The following FHIT variants were observed in gnomAD, a reference collection of about 807,000 sequenced individuals.
FHIT encodes bis(5'-adenosyl)-triphosphatase.
Under a neutral mutation model 17.9 loss-of-function variants are expected in FHIT, and 19 were observed. The observed-to-expected ratio is 1.06, with a 90% confidence interval of 0.74 to 1.56. The LOEUF is 1.56. Ranked by LOEUF, FHIT falls within the 40% of genes most tolerant of loss-of-function variation. The pLI, the probability that FHIT is intolerant of heterozygous loss-of-function variation, is 0.00. For synonymous variants in FHIT, 81 were observed against 69.7 expected, an observed-to-expected ratio of 1.16 and a Z score of -0.81; for missense variants, 248 against 189.2, an observed-to-expected ratio of 1.31 and a Z score of -1.82.
intron 3 of FHIT, among the ~76,000 whole-genome samples, chr3:60,863,071 G>A (rs61251096): frequency 0.025 from 3,878 of 152,210 alleles, 162 homozygotes; most frequent in African/African-American, 0.087. Flanking sequence ...GAAAGCAGAA[G>A]AGGATGCAGG....
At chr3:61,216,936 T>C (rs1260691416) in intron 1 of FHIT, among the ~76,000 whole-genome samples, 3 of 148,730 alleles carry the variant, frequency 2.0e-5, no homozygotes, top group East Asian at 2.0e-4. Context: ...TAGGTGGGAA[T>C]TGAGCAATGA....
intron 2 of FHIT, among the ~76,000 whole-genome samples, chr3:61,131,661 G>A (rs1015758598): frequency 1.3e-5 from 2 of 152,210 alleles, no homozygotes; most frequent in African/African-American, 2.4e-5. Context: ...ATTTGTAAGA[G>A]CACAGACCAG....
chr3:60,215,179 A>T (rs1453709229), intron 5 of FHIT, among the ~76,000 whole-genome samples: 8 of 152,162 alleles, frequency 5.3e-5, no homozygotes, highest in African/African-American at 1.9e-4. Context: ...ATAAAATAAG[A>T]TAAAAGTAAT....
At chr3:59,880,101 A>C (rs1456912107) in intron 8 of FHIT, among the ~76,000 whole-genome samples, 1 of 152,234 alleles carries the variant, frequency 6.6e-6, no homozygotes, top group African/African-American at 2.4e-5. Flanking sequence ...TCAAACTGCC[A>C]AGAAGCTGCC....
chr3:60,186,608 G>A (rs1330032898), intron 5 of FHIT, among the ~76,000 whole-genome samples: 1 of 152,104 alleles, frequency 6.6e-6, no homozygotes, highest in Non-Finnish European at 1.5e-5. Context: ...GCTGCGTACA[G>A]AACACCCTGC....
intron 3 of FHIT, among the ~76,000 whole-genome samples, chr3:60,948,457 T>C (rs144063395): frequency 2.8e-3 from 426 of 152,332 alleles, no homozygotes; most frequent in African/African-American, 1.0e-2. Flanking sequence ...TAATGGGACT[T>C]TGATCAACAT....
chr3:60,362,330 T>C (rs1699939035), intron 5 of FHIT, among the ~76,000 whole-genome samples: 7 of 152,242 alleles, frequency 4.6e-5, no homozygotes, highest in Admixed American at 4.6e-4. Flanking sequence ...TGCTGGTTGA[T>C]ATTGAGATAC....
intron 2 of FHIT, among the ~76,000 whole-genome samples, chr3:61,198,983 G>A (rs1370783218): frequency 6.6e-6 from 1 of 152,088 alleles, no homozygotes; most frequent in Non-Finnish European, 1.5e-5. Flanking sequence ...CACTTATCAT[G>A]GGCCAGGACT....
intron 3 of FHIT, among the ~76,000 whole-genome samples, chr3:60,869,790 C>G (rs1553754641): frequency 6.6e-6 from 1 of 152,044 alleles, no homozygotes; most frequent in East Asian, 1.9e-4. Flanking sequence ...CAAGGGCCAC[C>G]ATCACTGCAA....
At chr3:60,886,176 T>C (rs1288426708) in intron 3 of FHIT, among the ~76,000 whole-genome samples, 2 of 152,202 alleles carry the variant, frequency 1.3e-5, no homozygotes, top group Non-Finnish European at 2.9e-5. Context: ...TTTGACAAAT[T>C]TGATTATCTT....
At chr3:60,125,223 C>G (rs1460908985) in intron 5 of FHIT, among the ~76,000 whole-genome samples, 2 of 152,158 alleles carry the variant, frequency 1.3e-5, no homozygotes, top group Non-Finnish European at 2.9e-5. Context: ...TGCTCTCTTA[C>G]CAGCTGTACA....
intron 5 of FHIT, among the ~76,000 whole-genome samples, chr3:60,045,146 A>T (rs1424519209): frequency 6.6e-6 from 1 of 152,182 alleles, no homozygotes; most frequent in East Asian, 1.9e-4. Context: ...TTGCACAGTA[A>T]TGTGAGTATG....
chr3:61,188,368 C>G (rs927765784), intron 2 of FHIT, among the ~76,000 whole-genome samples: 2 of 152,132 alleles, frequency 1.3e-5, no homozygotes, highest in African/African-American at 4.8e-5. Context: ...TACAACCTCC[C>G]AAGACTAAAC....
intron 5 of FHIT, among the ~76,000 whole-genome samples, chr3:60,350,243 T>A (rs180866297): frequency 4.1e-4 from 62 of 152,198 alleles, no homozygotes; most frequent in South Asian, 1.2e-3. Context: ...GCAGGTATAG[T>A]AAGCAAGCAG....
At chr3:59,855,503 A>C (rs1182282611) in intron 8 of FHIT, among the ~76,000 whole-genome samples, 1 of 152,108 alleles carries the variant, frequency 6.6e-6, no homozygotes, top group Non-Finnish European at 1.5e-5. Context: ...ATTTTCCCCC[A>C]CTTGATATTT....
At chr3:59,942,786 C>T (rs1706591333) in intron 7 of FHIT, among the ~76,000 whole-genome samples, 1 of 152,030 alleles carries the variant, frequency 6.6e-6, no homozygotes, top group Non-Finnish European at 1.5e-5. Context: ...AAAGCTTGGA[C>T]TACAGGCATG....
intron 5 of FHIT, among the ~76,000 whole-genome samples, chr3:60,428,407 T>A (rs1335791244): frequency 1.3e-5 from 2 of 152,134 alleles, no homozygotes; most frequent in Admixed American, 6.6e-5. Flanking sequence ...GGCCTTCAAT[T>A]CTTCTTCCTA....
intron 5 of FHIT, among the ~76,000 whole-genome samples, chr3:60,373,587 T>C (rs1479590943): frequency 6.6e-6 from 1 of 152,000 alleles, no homozygotes; most frequent in Non-Finnish European, 1.5e-5. Flanking sequence ...AGGTTGAGTG[T>C]ATAAGCCGTC....
chr3:61,180,622 A>G (rs2038309265), intron 2 of FHIT, among the ~76,000 whole-genome samples: 1 of 152,228 alleles, frequency 6.6e-6, no homozygotes, highest in South Asian at 2.1e-4. Context: ...CTAAATACCG[A>G]GGTTATGTTT....
Sources: allele counts gnomAD v4.1 joint callset (sites outside exome capture counted in the v4.1 genomes callset), GRCh38; gene constraint gnomAD v4.1.1; transcripts MANE v1.5; gene names NCBI Gene and HGNC (gene_info 2026-07-23, HGNC 2026-07-21).